WNK3: variants seen among roughly 807,000 people sequenced by gnomAD.
The protein encoded by WNK3 is serine/threonine-protein kinase WNK3.
A neutral mutation model predicts 116.7 loss-of-function variants in WNK3; 18 were observed. The ratio of observed to expected loss-of-function variants is 0.15; its 90% CI spans 0.11 to 0.23. The LOEUF is 0.23. Among genes scored for constraint, WNK3 ranks in the 10% least tolerant of loss-of-function variants. The pLI is 1.00. For missense variants in WNK3, 993 were observed against 1,323.8 expected (o/e 0.75, Z 3.88); for synonymous variants, 404 against 469.4 (o/e 0.86, Z 1.80).
At chrX:54,232,923 A>T (rs1557149318) in exon 21 of WNK3, 2 of 1,210,956 alleles carry the variant, frequency 1.7e-6, no homozygotes, top group Non-Finnish European at 2.2e-6. Context: ...ATCTCAGTAG[A>T]TTGGGTTTTG....
chrX:54,205,931 AG>A (rs2067549415), intron 22 of WNK3, among the ~76,000 whole-genome samples: 1 of 111,641 alleles, frequency 9.0e-6, no homozygotes, highest in Non-Finnish European at 1.9e-5. Flanking sequence ...ACCAGAGTTC[AG>A]TCCTTGATGT....
chrX:54,289,631 G>T (rs973706831), intron 10 of WNK3, among the ~76,000 whole-genome samples: 5 of 111,113 alleles, frequency 4.5e-5, no homozygotes, highest in Non-Finnish European at 7.5e-5. Context: ...GCACAGTCTG[G>T]CTTTGTGGCA....
At position 54,226,094 on chromosome X, in the gene WNK3, CCAAAAAAAAAAA is replaced by C. The variant is rs1454504449; in HGVS notation, c.4870+2608_4870+2619del. 6.7e-4 allele frequency among the ~76,000 whole-genome samples: 8 copies of C among 11,997 alleles called. 1 individual carries two copies. Among genetic ancestry groups the C allele is most frequent in the South Asian group, 0.047 (2 of 43 alleles). 10.4% of individuals were successfully genotyped at this position (11,997 alleles called of 115,157 possible). ...CTAGGACAAGGAGATATCCACATAC[CCAAAAAAAAAAA>C]AAAAAAAAAAAAAAAGAATCTGGAT... is the stretch of plus-strand genomic sequence containing the variant. On this transcript the variant is annotated intron_variant, in intron 22 of 23. Transcript: ENST00000354646.
At chrX:54,314,777 T>C (rs1454391409) in intron 2 of WNK3, among the ~76,000 whole-genome samples, 7 of 111,466 alleles carry the variant, frequency 6.3e-5, no homozygotes, top group South Asian at 3.7e-4. Flanking sequence ...AGTGAGATGC[T>C]GTCTCAAAAA....
At chrX:54,236,799 C>T in intron 20 of WNK3, 139 bp downstream of exon 20, 1 of 741,588 alleles carries the variant, frequency 1.3e-6, no homozygotes, top group Non-Finnish European at 1.9e-6. Context: ...TTTTCTCATT[C>T]ATAAATGTTT....
intron 2 of WNK3, among the ~76,000 whole-genome samples, chrX:54,331,086 T>G (rs1557174184): frequency 9.2e-6 from 1 of 109,159 alleles, no homozygotes; most frequent in Non-Finnish European, 1.9e-5. Context: ...AGGGAGAGCA[T>G]CAGGAAGAAC....
At chrX:54,242,703 C>A (rs782404639) in intron 17 of WNK3, among the ~76,000 whole-genome samples, 1 of 112,041 alleles carries the variant, frequency 8.9e-6, no homozygotes, top group South Asian at 3.7e-4. Flanking sequence ...CCAAATGGTG[C>A]TGAACAACTG....
chrX:54,319,066 C>T (rs782628021), intron 2 of WNK3, among the ~76,000 whole-genome samples: 101 of 111,266 alleles, frequency 9.1e-4, no homozygotes, highest in African/African-American at 3.3e-3. Context: ...GTATGAGCCA[C>T]TGCACCCAGC....
intron 10 of WNK3, among the ~76,000 whole-genome samples, chrX:54,268,961 A>G (rs2068348762): frequency 8.9e-6 from 1 of 111,751 alleles, no homozygotes; most frequent in Admixed American, 9.6e-5. Context: ...CGATAACTTT[A>G]CAGTAGAGAA....
exon 16 of WNK3, chrX:54,250,004 A>G (rs1025890381): frequency 1.7e-6 from 2 of 1,200,430 alleles, no homozygotes; most frequent in African/African-American, 1.8e-5. Flanking sequence ...TAGGAAGTGG[A>G]TGTCGGCCAG....
intron 11 of WNK3, among the ~76,000 whole-genome samples, chrX:54,258,221 T>C (rs1487254882): frequency 6.7e-5 from 6 of 89,730 alleles, no homozygotes; most frequent in Non-Finnish European, 1.0e-4. Flanking sequence ...GAGGTTGCAG[T>C]GAGCCGAAAT....
intron 1 of WNK3, among the ~76,000 whole-genome samples, chrX:54,335,113 A>T (rs1198463540): frequency 3.6e-5 from 4 of 109,697 alleles, no homozygotes; most frequent in African/African-American, 9.9e-5. Flanking sequence ...AATACAAAAA[A>T]ATTTAGCAGG....
At chrX:54,210,775 G>T (rs994945217) in intron 22 of WNK3, among the ~76,000 whole-genome samples, 1 of 112,167 alleles carries the variant, frequency 8.9e-6, no homozygotes, top group African/African-American at 3.2e-5. Context: ...GTATGACAGA[G>T]TGAGGACGTT....
rs187228666 is a variant in WNK3, at chrX:54,320,833, A to G, written c.538-9542T>C. ...TGAGGTTGCTCAGTATTTTAACACT[A>G]CCATTTATTGAACACTAAAATGCGT... is the stretch of plus-strand genomic sequence containing the variant. On this transcript the variant is annotated intron_variant, in intron 2 of 23. Coordinates refer to ENST00000354646, the Ensembl canonical transcript of WNK3. 3.6e-5 allele frequency among the ~76,000 whole-genome samples: 4 copies of G among 110,593 alleles called. No individual in the cohort carries two copies. The Admixed American group carries it at 3.9e-4, about 11-fold the overall frequency.
chrX:54,211,441 CAA>C (rs1216024608), intron 22 of WNK3, among the ~76,000 whole-genome samples: 4 of 50,501 alleles, frequency 7.9e-5, no homozygotes, highest in South Asian at 1.1e-3. Context: ...GACTCTGTCT[CAA>C]AAAAAAAAAA....
chrX:54,232,380 G>A (rs1052547223), intron 21 of WNK3, among the ~76,000 whole-genome samples: 56 of 110,906 alleles, frequency 5.0e-4, no homozygotes, highest in Admixed American at 1.4e-3. Context: ...GACCTCAGGC[G>A]ACAGGCCCAC....
At chrX:54,237,971 C>T (rs1360012268) in intron 19 of WNK3, among the ~76,000 whole-genome samples, 3 of 111,512 alleles carry the variant, frequency 2.7e-5, no homozygotes, top group African/African-American at 9.8e-5. Context: ...GTGGCTCATG[C>T]TTGTAATCCC....
intron 21 of WNK3, among the ~76,000 whole-genome samples, chrX:54,230,289 C>T (rs1206114083): frequency 3.6e-5 from 4 of 110,768 alleles, no homozygotes; most frequent in Non-Finnish European, 5.7e-5. Context: ...GCATGTAAAT[C>T]GACAATTATC....
At chrX:54,253,790 G>A (rs1290406880) in intron 13 of WNK3, among the ~76,000 whole-genome samples, 169 bp downstream of exon 13, 1 of 111,727 alleles carries the variant, frequency 9.0e-6, no homozygotes, top group Non-Finnish European at 1.9e-5. Flanking sequence ...TACTGAAACC[G>A]GAGGAGATGC....
Sources: gnomAD v4.1 joint callset for allele counts (sites outside exome capture counted in the v4.1 genomes callset) on GRCh38, gnomAD v4.1.1 for gene constraint, MANE v1.5 for transcripts, NCBI Gene and HGNC (gene_info 2026-07-23, HGNC 2026-07-21) for gene names.